The following EBF1 variants were observed in gnomAD, a reference collection of about 807,000 sequenced individuals.
The protein encoded by EBF1 is EBF transcription factor 1.
Under a neutral mutation model 68.4 loss-of-function variants are expected in EBF1, and 10 were observed. The observed-to-expected ratio is 0.15, with a 90% CI of 0.09 to 0.25. The LOEUF (loss-of-function observed/expected upper bound fraction) is 0.25, where lower values mean the gene tolerates loss of function less well. EBF1 is among the 10% of genes least tolerant of loss of function. EBF1 has a pLI of 1.00. For missense variants in EBF1, 509 were observed against 794.4 expected (o/e 0.64, Z 4.32); for synonymous variants, 298 against 299.8 (o/e 0.99, Z 0.06).
intron 6 of EBF1, among the ~76,000 whole-genome samples, chr5:158,994,520 C>T (rs1761023534): frequency 6.6e-6 from 1 of 152,182 alleles, no homozygotes; most frequent in Non-Finnish European, 1.5e-5. Flanking sequence ...TCATAATCTA[C>T]TAATGACAAC....
At chr5:158,829,320 C>A (rs1489820611) in intron 7 of EBF1, among the ~76,000 whole-genome samples, 2 of 151,524 alleles carry the variant, frequency 1.3e-5, no homozygotes, top group African/African-American at 4.8e-5. Flanking sequence ...GAACTAGAGG[C>A]ATGCACCACC....
At chr5:158,941,708 C>T (rs959642368) in intron 6 of EBF1, among the ~76,000 whole-genome samples, 4 of 152,126 alleles carry the variant, frequency 2.6e-5, no homozygotes, top group Non-Finnish European at 5.9e-5. Context: ...GTGCAGGATG[C>T]TTTCTCAGTC....
chr5:158,751,397 C>T (rs1002610279), intron 10 of EBF1, among the ~76,000 whole-genome samples: 15 of 152,186 alleles, frequency 9.9e-5, no homozygotes, highest in African/African-American at 3.4e-4. Context: ...TTACTGATGC[C>T]TCTTTGGAAC....
At chr5:158,873,070 T>C (rs1178450414) in intron 6 of EBF1, among the ~76,000 whole-genome samples, 1 of 136,202 alleles carries the variant, frequency 7.3e-6, no homozygotes, top group Admixed American at 8.1e-5. Context: ...TAAAACAACC[T>C]GAAAACCTTC....
intron 6 of EBF1, among the ~76,000 whole-genome samples, chr5:158,925,316 C>T (rs1192439594): frequency 6.6e-6 from 1 of 152,176 alleles, no homozygotes; most frequent in Non-Finnish European, 1.5e-5. Flanking sequence ...GAATAGGGGC[C>T]TTGTCTGCCT....
chr5:158,996,103 G>C (rs1395378679), intron 6 of EBF1, among the ~76,000 whole-genome samples: 1 of 152,092 alleles, frequency 6.6e-6, no homozygotes, highest in Non-Finnish European at 1.5e-5. Flanking sequence ...GTGACCTCAT[G>C]GCTTTCAGGA....
chr5:158,760,651 G>A (rs955800008), intron 10 of EBF1, among the ~76,000 whole-genome samples: 4 of 152,106 alleles, frequency 2.6e-5, no homozygotes, highest in East Asian at 3.9e-4. Flanking sequence ...GAAATAATGA[G>A]CGAAGGAATG....
chr5:159,015,477 G>A (rs543649267), intron 6 of EBF1, among the ~76,000 whole-genome samples: 47 of 152,326 alleles, frequency 3.1e-4, no homozygotes, highest in African/African-American at 1.0e-3. Context: ...TAAGGTGAGC[G>A]TGGCTGAAGT....
At chr5:158,791,477 C>A (rs796607531) in intron 9 of EBF1, among the ~76,000 whole-genome samples, 10 of 152,052 alleles carry the variant, frequency 6.6e-5, no homozygotes, top group African/African-American at 2.4e-4. Flanking sequence ...CAATCAATAC[C>A]CAAGTCTCTC....
In EBF1 at chr5:158,867,197, G is replaced by A. The variant is rs145832442; in HGVS notation, c.555-27087C>T. Among the ~76,000 whole-genome samples the A allele has an allele frequency of 2.2e-4, 33 of 152,228 alleles. No homozygotes were observed. In the East Asian group the frequency reaches 5.6e-3, roughly 26 times the overall value. ...GCTAATAATGGTGTCAATGAAAGGA[G>A]AGGGTTCACATTACGCCTAGAATAC... On this transcript the variant is annotated intron_variant, in intron 6 of 15. Transcript: ENST00000313708.
At chr5:158,716,399 T>C (rs1760718455) in intron 11 of EBF1, among the ~76,000 whole-genome samples, 1 of 152,212 alleles carries the variant, frequency 6.6e-6, no homozygotes, top group African/African-American at 2.4e-5. Context: ...TGCTGGGGCA[T>C]GTTTTCCCAT....
chr5:158,957,024 C>T (rs1360516099), intron 6 of EBF1, among the ~76,000 whole-genome samples: 3 of 152,172 alleles, frequency 2.0e-5, no homozygotes, highest in African/African-American at 7.2e-5. Flanking sequence ...TCCCAAAGTG[C>T]TGGGATTACA....
intron 6 of EBF1, among the ~76,000 whole-genome samples, chr5:158,851,728 G>GTAA (rs1792805100): frequency 9.0e-6 from 1 of 110,840 alleles, no homozygotes; most frequent in Non-Finnish European, 1.9e-5. Context: ...AGGAAAGAAA[G>GTAA]GAAGGGAAGA....
chr5:158,776,835 CCA>C (rs1399737883), intron 10 of EBF1, among the ~76,000 whole-genome samples: 1 of 152,152 alleles, frequency 6.6e-6, no homozygotes, highest in Non-Finnish European at 1.5e-5. Context: ...TGATGTCATT[CCA>C]CAGAGATGCT....
chr5:159,097,150 G>A lies in EBF1; in HGVS notation c.135-20C>T. The A allele has an allele frequency of 6.2e-7, 1 of 1,611,320 alleles. No individual in the cohort carries two copies. ...ACCCCGCTGCGGCCAAAGACGCAGA[G>A]TTAGATGGCTAAACCGGACGCCGAC... On this transcript the variant is annotated intron_variant, in intron 1 of 15. Transcript: ENST00000313708.
intron 6 of EBF1, among the ~76,000 whole-genome samples, chr5:158,889,865 T>C (rs893063085): frequency 3.9e-5 from 6 of 152,248 alleles, no homozygotes; most frequent in East Asian, 1.9e-4. Flanking sequence ...TAAACAATGA[T>C]ACGAAAATAA....
intron 6 of EBF1, among the ~76,000 whole-genome samples, chr5:158,941,887 G>A (rs1813496779): frequency 6.6e-6 from 1 of 152,166 alleles, no homozygotes; most frequent in Admixed American, 6.5e-5. Flanking sequence ...ATGCTCTGAA[G>A]GTGAAGTGAT....
intron 5 of EBF1, among the ~76,000 whole-genome samples, chr5:159,079,311 T>C (rs528239954): frequency 6.6e-6 from 1 of 152,306 alleles, no homozygotes; most frequent in Admixed American, 6.5e-5. Flanking sequence ...GTTAATTCTT[T>C]CCTTCAGTTT....
intron 10 of EBF1, among the ~76,000 whole-genome samples, chr5:158,747,255 A>G (rs1581545911): frequency 6.6e-6 from 1 of 152,210 alleles, no homozygotes; most frequent in African/African-American, 2.4e-5. Flanking sequence ...AGCCTGACTT[A>G]AAATAAATAG....
Sources: allele counts gnomAD v4.1 joint callset (sites outside exome capture counted in the v4.1 genomes callset), GRCh38; gene constraint gnomAD v4.1.1; transcripts MANE v1.5; gene names NCBI Gene and HGNC (gene_info 2026-07-23, HGNC 2026-07-21).